The following GALNT14 variants were observed in gnomAD, a reference collection of about 807,000 sequenced individuals.
The protein encoded by GALNT14 is polypeptide N-acetylgalactosaminyltransferase 14.
GALNT14 carries 60 observed loss-of-function variants against 77.5 expected under a neutral mutation model. The ratio of observed to expected loss-of-function variants is 0.77; its 90% CI spans 0.63 to 0.96. The LOEUF is 0.96. Among genes scored for constraint, GALNT14 ranks in the 40% least tolerant of loss-of-function variants. The pLI is 0.00. For synonymous variants in GALNT14, 280 were observed against 281.7 expected (o/e 0.99, Z 0.06); for missense variants, 710 against 731.0 (o/e 0.97, Z 0.33).
chr2:30,950,280 TA>T (rs563165076), intron 6 of GALNT14, among the ~76,000 whole-genome samples: 2 of 151,430 alleles, frequency 1.3e-5, no homozygotes, highest in Non-Finnish European at 2.9e-5. Context: ...AGCTTATGTT[TA>T]AAAAAAAACC....
intron 1 of GALNT14, among the ~76,000 whole-genome samples, chr2:31,070,891 G>C (rs776260107): frequency 1.3e-5 from 2 of 152,218 alleles, no homozygotes; most frequent in Non-Finnish European, 1.5e-5. Context: ...TCTGGTCTCT[G>C]TTAGCAAACA....
the GALNT14 span, among the ~76,000 whole-genome samples, chr2:30,897,122 C>T: frequency 6.6e-6 from 1 of 152,258 alleles, no homozygotes; most frequent in African/African-American, 2.4e-5. Flanking sequence ...CTGCCCCCCA[C>T]TTTTTTCCAT....
At chr2:30,997,074 C>A (rs1670082846) in intron 1 of GALNT14, among the ~76,000 whole-genome samples, 1 of 152,180 alleles carries the variant, frequency 6.6e-6, no homozygotes, top group South Asian at 2.1e-4. Context: ...ATGTGCAGGG[C>A]AGGACCAGTT....
Position 30,987,206 on chromosome 2 carries a change from C to T in GALNT14, c.299+5632G>A, listed in dbSNP as rs115162063. 6.7e-3 allele frequency among the ~76,000 whole-genome samples: 1,016 copies of T among 152,302 alleles called. 8 individuals carry two copies. Among genetic ancestry groups the T allele is most frequent in the African/African-American group, 0.023 (971 of 41,560 alleles). ...GTTGCAGCAGAGACATGCATGTCTA[C>T]AGGCTGACGACAGAGGTTTCCATCT... On this transcript the variant is annotated intron_variant, in intron 2 of 14. Coordinates refer to ENST00000349752, the MANE Select transcript of GALNT14 (RefSeq NM_024572.4).
intron 1 of GALNT14, among the ~76,000 whole-genome samples, chr2:30,993,742 A>G (rs921529222): frequency 1.3e-5 from 2 of 152,206 alleles, no homozygotes; most frequent in East Asian, 3.8e-4. Context: ...AACCTTCTGA[A>G]CTGAGTAGGG....
At chr2:30,902,474 A>T in the GALNT14 span, among the ~76,000 whole-genome samples, 2 of 152,090 alleles carry the variant, frequency 1.3e-5, no homozygotes, top group Middle Eastern at 6.8e-3. Flanking sequence ...CTTCGTTATC[A>T]CCCCAAGGGC....
In GALNT14 at chr2:30,910,561, C is replaced by G. The variant is rs962241873; in HGVS notation, c.*340G>C. ...AGTCCTGGCCTAGTGAAAAAGAAGG[C>G]TTTTCTTTCTGGCCTCCAGAGACTG... is the stretch of plus-strand genomic sequence containing the variant. On this transcript the variant is annotated 3_prime_UTR_variant, in exon 15 of 15. Coordinates refer to ENST00000349752, the MANE Select transcript of GALNT14 (RefSeq NM_024572.4). The G allele has an allele frequency of 7.0e-5, 15 of 215,162 alleles. No homozygotes were observed. The highest frequency in any genetic ancestry group is 1.6e-3 in the Middle Eastern group (1 of 612). 13.3% of individuals were successfully genotyped at this position (215,162 alleles called of 1,614,324 possible). A position where few individuals can be genotyped will look rare whatever the true frequency, so the allele number is the denominator to read the frequency against.
chr2:31,035,573 G>GTA (rs1672671024), intron 1 of GALNT14, among the ~76,000 whole-genome samples: 1 of 142,264 alleles, frequency 7.0e-6, no homozygotes, highest in South Asian at 2.3e-4. Flanking sequence ...GTGTGTATGT[G>GTA]TGTGTGTGTG....
chr2:30,906,120 A>C (rs868220376), downstream of GALNT14, among the ~76,000 whole-genome samples: 178 of 151,162 alleles, frequency 1.2e-3, no homozygotes, highest in African/African-American at 3.9e-3. Context: ...CCAAAATGTA[A>C]AGACCATCGA....
At chr2:30,933,575 C>T (rs551948970) in intron 9 of GALNT14, among the ~76,000 whole-genome samples, 2 of 152,330 alleles carry the variant, frequency 1.3e-5, no homozygotes, top group South Asian at 2.1e-4. Flanking sequence ...CCACCACCTT[C>T]TCTGCACCTG....
chr2:30,961,680 C>G (rs1158042300), intron 3 of GALNT14, among the ~76,000 whole-genome samples: 1 of 150,138 alleles, frequency 6.7e-6, no homozygotes, highest in Non-Finnish European at 1.5e-5. Context: ...CTGGGTTAGA[C>G]TTTCTTTTTT....
At chr2:31,096,253 C>T (rs2148606280) in intron 1 of GALNT14, among the ~76,000 whole-genome samples, 1 of 152,290 alleles carries the variant, frequency 6.6e-6, no homozygotes, top group East Asian at 1.9e-4. Context: ...CACCTGCAAC[C>T]TTAACTTCCT....
intron 1 of GALNT14, among the ~76,000 whole-genome samples, chr2:31,040,681 GA>G (rs1673047182): frequency 6.6e-6 from 1 of 152,196 alleles, no homozygotes; most frequent in Non-Finnish European, 1.5e-5. Flanking sequence ...CTTCAGAACT[GA>G]TAAGAATCCC....
Position 30,912,249 on chromosome 2 carries a change from G to A in GALNT14, c.1474C>T (p.Leu492Phe), listed in dbSNP as rs1664410293. ...TGTCGGTCATCTCCATTCTTGCAAA[G>A]GACAAGAACCACTGGGGCGCCAGGG... ...LFPGAPVVLV[L>F]CKNGDDRQQW... The change falls in exon 14 of 15, where the codon CTT becomes TTT. Residue 492 changes from leucine (L) to phenylalanine (F), a missense_variant. Coordinates refer to ENST00000349752, the MANE Select transcript of GALNT14 (RefSeq NM_024572.4). 6 of 1,614,044 alleles carry A rather than the reference G, an allele frequency of 3.7e-6. No individual in the cohort carries two copies. In the East Asian group the frequency reaches 1.3e-4, roughly 36 times the overall value.
At position 31,012,524 on chromosome 2, in the gene GALNT14, C is replaced by T. The variant is rs1237065624; in HGVS notation, c.130-19517G>A. On this transcript the variant is annotated intron_variant, in intron 1 of 14. Coordinates refer to ENST00000349752, the MANE Select transcript of GALNT14 (RefSeq NM_024572.4). ...GCTCTCCCTTCCCACCTCACTCCACCAAGGCCCTCAGGCTACAGACAAGGG... is the reference window on the plus strand; with the variant it reads ...GCTCTCCCTTCCCACCTCACTCCACTAAGGCCCTCAGGCTACAGACAAGGG... Among the ~76,000 whole-genome samples, 3 of 152,290 alleles carry T rather than the reference C, an allele frequency of 2.0e-5. No individual in the cohort carries two copies. In the East Asian group the frequency reaches 5.8e-4, roughly 29 times the overall value.
At chr2:31,136,678 TA>T (rs1403661378) in intron 1 of GALNT14, among the ~76,000 whole-genome samples, 3 of 152,080 alleles carry the variant, frequency 2.0e-5, no homozygotes, top group Admixed American at 2.0e-4. Flanking sequence ...AAGACTTGGT[TA>T]AAAAGGGGAA....
intron 1 of GALNT14, among the ~76,000 whole-genome samples, chr2:31,101,448 G>T (rs11124241): frequency 2.7e-5 from 4 of 149,012 alleles, no homozygotes; most frequent in Admixed American, 2.7e-4. Context: ...CTCTGGACTA[G>T]TGCATTTTTC....
downstream of GALNT14, among the ~76,000 whole-genome samples, chr2:30,907,219 C>A (rs940025219): frequency 2.6e-5 from 4 of 152,042 alleles, no homozygotes; most frequent in Non-Finnish European, 4.4e-5. Context: ...CGGAGCAGAA[C>A]TGAAGGAAAT....
At chr2:31,114,799 T>C in intron 1 of GALNT14, 1 of 717,532 alleles carries the variant, frequency 1.4e-6, no homozygotes, top group Non-Finnish European at 2.6e-6. Context: ...GCAAGAGACA[T>C]GGGAAATGAC....
Sources: allele counts gnomAD v4.1 joint callset (sites outside exome capture counted in the v4.1 genomes callset), GRCh38; gene constraint gnomAD v4.1.1; transcripts MANE v1.5; gene names NCBI Gene and HGNC (gene_info 2026-07-23, HGNC 2026-07-21).